Variants in POU6F2 observed in about 807,000 individuals in gnomAD.
POU6F2 encodes POU domain, class 6, transcription factor 2.
Under a neutral mutation model 71.3 loss-of-function variants are expected in POU6F2, and 31 were observed. The ratio of observed to expected loss-of-function variants is 0.43; its 90% confidence interval spans 0.33 to 0.59. The LOEUF is 0.59. Ranked by LOEUF, POU6F2 falls within the 20% of genes least tolerant of loss-of-function variation. The pLI is 0.04. For synonymous variants in POU6F2, 347 were observed against 355.7 expected (o/e 0.98, Z 0.27); for missense variants, 783 against 856.8 (o/e 0.91, Z 1.07).
At chr7:38,978,865 C>T (rs956885090) in intron 1 of POU6F2, among the ~76,000 whole-genome samples, 2 of 152,188 alleles carry the variant, frequency 1.3e-5, no homozygotes, top group African/African-American at 4.8e-5. Context: ...GTCAGTGAAT[C>T]TTGCTCTTTC....
intron 1 of POU6F2, among the ~76,000 whole-genome samples, chr7:39,000,683 A>G (rs1360188802): frequency 6.6e-6 from 1 of 152,198 alleles, no homozygotes; most frequent in Non-Finnish European, 1.5e-5. Context: ...ATTTGTTGAA[A>G]TGGAACAAAA....
At chr7:39,003,016 A>G (rs1788955960) in intron 1 of POU6F2, among the ~76,000 whole-genome samples, 1 of 152,234 alleles carries the variant, frequency 6.6e-6, no homozygotes, top group African/African-American at 2.4e-5. Flanking sequence ...AACACAATTT[A>G]GTTATCTTCG....
intron 2 of POU6F2, among the ~76,000 whole-genome samples, chr7:39,123,998 A>C (rs1584554342): frequency 6.6e-6 from 1 of 150,702 alleles, no homozygotes; most frequent in Non-Finnish European, 1.5e-5. Flanking sequence ...TACATGCTTC[A>C]TTGCTACATA....
chr7:39,133,272 T>C (rs1192138252), intron 2 of POU6F2, among the ~76,000 whole-genome samples: 2 of 152,246 alleles, frequency 1.3e-5, no homozygotes, highest in African/African-American at 4.8e-5. Flanking sequence ...ATGTGACTAA[T>C]ACGAGAATGT....
intron 2 of POU6F2, among the ~76,000 whole-genome samples, chr7:39,142,044 G>GC: frequency 6.6e-6 from 1 of 152,140 alleles, no homozygotes; most frequent in African/African-American, 2.4e-5. Flanking sequence ...CGGAGATCGT[G>GC]CCACTGTACT....
intron 8 of POU6F2, among the ~76,000 whole-genome samples, chr7:39,459,430 G>A (rs1005468521): frequency 6.6e-5 from 10 of 151,330 alleles, no homozygotes; most frequent in East Asian, 2.0e-4. Context: ...GGCATTTGGC[G>A]TGCAAATGTT....
chr7:39,141,406 C>T (rs1792498464), intron 2 of POU6F2, among the ~76,000 whole-genome samples: 1 of 152,120 alleles, frequency 6.6e-6, no homozygotes. Context: ...TTTCCAAATC[C>T]CAGCTCACAC....
intron 2 of POU6F2, among the ~76,000 whole-genome samples, chr7:39,095,402 C>T (rs188584307): frequency 7.4e-4 from 113 of 152,214 alleles, no homozygotes; most frequent in African/African-American, 2.5e-3. Flanking sequence ...AATTATGCCT[C>T]GTGTTCTAAA....
At chr7:39,147,176 T>C (rs1034333540) in intron 2 of POU6F2, among the ~76,000 whole-genome samples, 12 of 152,224 alleles carry the variant, frequency 7.9e-5, no homozygotes, top group Admixed American at 4.6e-4. Flanking sequence ...AACAATGTTA[T>C]TATTTAAAAA....
At chr7:38,980,632 C>T (rs1788293787) in intron 1 of POU6F2, among the ~76,000 whole-genome samples, 1 of 152,218 alleles carries the variant, frequency 6.6e-6, no homozygotes, top group South Asian at 2.1e-4. Flanking sequence ...CAGGTGTGAA[C>T]AAGCCCATTT....
chr7:39,020,041 A>G (rs992606166), intron 1 of POU6F2, among the ~76,000 whole-genome samples: 6 of 152,266 alleles, frequency 3.9e-5, no homozygotes, highest in Admixed American at 2.0e-4. Context: ...CAGCTTGCAT[A>G]TGTCAGGCTT....
chr7:39,054,040 T>C (rs1273644652), intron 1 of POU6F2, among the ~76,000 whole-genome samples: 1 of 151,410 alleles, frequency 6.6e-6, no homozygotes, highest in African/African-American at 2.4e-5. Flanking sequence ...AGGTGGAGGT[T>C]GCAGTGAGCC....
intron 4 of POU6F2, among the ~76,000 whole-genome samples, chr7:39,300,775 C>A (rs2128764582): frequency 6.6e-6 from 1 of 152,186 alleles, no homozygotes. Flanking sequence ...CAGATTAGAG[C>A]CCACCCTAAG....
Position 39,217,140 on chromosome 7 carries a change from C to T in POU6F2, c.598+9520C>T, listed in dbSNP as rs527790902. ...TGCCAAGGTTCGGTTTATGGGTCTG[C>T]TGTCTTGACCTTCTAACCACCTTCT... On this transcript the variant is annotated intron_variant, in intron 4 of 9. Coordinates refer to ENST00000518318, the MANE Select transcript of POU6F2 (RefSeq NM_001370959.1). Among the ~76,000 whole-genome samples, 39 of 152,274 alleles carry T rather than the reference C, an allele frequency of 2.6e-4. 1 individual carries two copies. The highest frequency in any genetic ancestry group is 4.3e-4 in the Non-Finnish European group (29 of 68,020).
At chr7:39,096,946 G>A (rs1212836482) in intron 2 of POU6F2, among the ~76,000 whole-genome samples, 2 of 152,022 alleles carry the variant, frequency 1.3e-5, no homozygotes, top group African/African-American at 2.4e-5. Flanking sequence ...TGCATATCAG[G>A]TGAAACAAAT....
chr7:39,278,510 G>A (rs1309210886), intron 4 of POU6F2, among the ~76,000 whole-genome samples: 1 of 152,176 alleles, frequency 6.6e-6, no homozygotes, highest in African/African-American at 2.4e-5. Context: ...CTTTTATAGA[G>A]GAATGCAGAG....
chr7:39,202,407 A>G (rs1490131684), intron 2 of POU6F2, among the ~76,000 whole-genome samples: 1 of 152,238 alleles, frequency 6.6e-6, no homozygotes, highest in African/African-American at 2.4e-5. Context: ...CACTCTTTTC[A>G]TAGTCTGGTA....
intron 5 of POU6F2, among the ~76,000 whole-genome samples, chr7:39,355,578 G>A (rs1418338247): frequency 6.6e-6 from 1 of 152,046 alleles, no homozygotes; most frequent in Non-Finnish European, 1.5e-5. Context: ...AGGTATATCA[G>A]TATCCCAACA....
chr7:39,074,720 G>C (rs1484405368), intron 1 of POU6F2, among the ~76,000 whole-genome samples: 1 of 152,032 alleles, frequency 6.6e-6, no homozygotes, highest in Admixed American at 6.6e-5. Context: ...TCAGGCAGCA[G>C]ATCATGAATC....
Sources: gnomAD v4.1 joint callset for allele counts (sites outside exome capture counted in the v4.1 genomes callset) on GRCh38, gnomAD v4.1.1 for gene constraint, MANE v1.5 for transcripts, NCBI Gene and HGNC (gene_info 2026-07-23, HGNC 2026-07-21) for gene names.